Variants in INTS9 observed in about 807,000 individuals in gnomAD.
INTS9 encodes integrator complex subunit 9.
In INTS9, 55 loss-of-function variants were observed where a neutral mutation model predicts 79.7. That is an observed-to-expected ratio of 0.69 (90% confidence interval 0.56 to 0.86). The LOEUF (loss-of-function observed/expected upper bound fraction) is 0.86. INTS9 is among the 40% of genes least tolerant of loss of function. INTS9 has a pLI of 0.00. For synonymous variants in INTS9, 319 were observed against 325.2 expected (o/e 0.98, Z 0.20); for missense variants, 721 against 831.5 (o/e 0.87, Z 1.64).
rs979686739 is a variant in INTS9, at chr8:28,850,227, C to T, written c.184G>A (p.Ala62Thr). ...TTAGATATTACCTTGTCCAAGAAAG[C>T]ATTTCCATCCTTCAGGGACCAGCCA... ...LPGWSLKDGN[A>T]FLDKELKECS... The change falls in exon 3 of 17, where the codon GCT (alanine) becomes ACT (threonine). Residue 62 changes from alanine (A) to threonine (T), a missense_variant. Transcript: ENST00000521022. 14 of 1,613,576 alleles carry T rather than the reference C, an allele frequency of 8.7e-6. No homozygotes were observed. Among genetic ancestry groups the T allele is most frequent in the Non-Finnish European group, 1.2e-5 (14 of 1,179,556 alleles).
intron 1 of INTS9, among the ~76,000 whole-genome samples, chr8:28,873,247 C>G (rs1310128394): frequency 6.6e-6 from 1 of 152,120 alleles, no homozygotes; most frequent in African/African-American, 2.4e-5. Flanking sequence ...ATAGGTTTTA[C>G]TAGGCTGAAT....
chr8:28,863,513 C>T (rs1808564641), intron 1 of INTS9, among the ~76,000 whole-genome samples: 1 of 152,182 alleles, frequency 6.6e-6, no homozygotes, highest in Non-Finnish European at 1.5e-5. Context: ...TGGTAGCTCA[C>T]TCCTGTAATC....
At chr8:28,797,733 C>A (rs1439214138) in intron 8 of INTS9, among the ~76,000 whole-genome samples, 1 of 152,196 alleles carries the variant, frequency 6.6e-6, no homozygotes, top group Non-Finnish European at 1.5e-5. Flanking sequence ...AGGTTTCCAT[C>A]TGAAACACAT....
intron 8 of INTS9, among the ~76,000 whole-genome samples, chr8:28,808,796 C>T (rs1347852055): frequency 6.6e-6 from 1 of 152,212 alleles, no homozygotes; most frequent in African/African-American, 2.4e-5. Context: ...TCCATTCTTA[C>T]TGCCTCAGGC....
At chr8:28,793,559 C>A (rs1271123964) in intron 10 of INTS9, among the ~76,000 whole-genome samples, 1 of 152,092 alleles carries the variant, frequency 6.6e-6, no homozygotes, top group Non-Finnish European at 1.5e-5. Flanking sequence ...ATTTTTGTTA[C>A]CAGTTTTGAA....
intron 4 of INTS9, among the ~76,000 whole-genome samples, chr8:28,843,017 T>G (rs1285984064): frequency 6.6e-6 from 1 of 152,174 alleles, no homozygotes; most frequent in Non-Finnish European, 1.5e-5. Context: ...GGTGAACTCA[T>G]GGGATTATGG....
chr8:28,888,387 A>G (rs1227716093), intron 1 of INTS9, among the ~76,000 whole-genome samples: 7 of 152,248 alleles, frequency 4.6e-5, no homozygotes, highest in East Asian at 3.9e-4. Context: ...CCCCATTTCT[A>G]CAAAAAAAAT....
At chr8:28,806,456 A>T (rs548594854) in intron 8 of INTS9, among the ~76,000 whole-genome samples, 1 of 152,236 alleles carries the variant, frequency 6.6e-6, no homozygotes, top group Non-Finnish European at 1.5e-5. Flanking sequence ...GAAACAGATA[A>T]ATCAACAACT....
intron 11 of INTS9, among the ~76,000 whole-genome samples, chr8:28,782,170 TACTG>T (rs757253438): frequency 2.0e-4 from 31 of 152,382 alleles, no homozygotes; most frequent in Non-Finnish European, 4.3e-4. Flanking sequence ...TTTCTGGTAA[TACTG>T]ACATACTTCC....
chr8:28,840,505 T>C (rs13281121), intron 4 of INTS9, among the ~76,000 whole-genome samples: 82,655 of 99,772 alleles, frequency 0.83, 34,039 homozygotes, highest in East Asian at 0.88. Context: ...ATGTTTATTG[T>C]GGCACTATTC....
At chr8:28,776,668 TC>T (rs1157232735) in intron 13 of INTS9, among the ~76,000 whole-genome samples, 1 of 152,088 alleles carries the variant, frequency 6.6e-6, no homozygotes, top group African/African-American at 2.4e-5. Flanking sequence ...AAGCACTTGT[TC>T]CTTAGGGCTA....
chr8:28,887,877 G>T (rs999412076), intron 1 of INTS9, among the ~76,000 whole-genome samples: 1 of 151,992 alleles, frequency 6.6e-6, no homozygotes, highest in Non-Finnish European at 1.5e-5. Flanking sequence ...TACAATCCCC[G>T]GTTTCATATT....
At chr8:28,776,247 A>G (rs936279116) in intron 13 of INTS9, 4 of 231,936 alleles carry the variant, frequency 1.7e-5, no homozygotes, top group Admixed American at 5.2e-5. Context: ...GTCTTTCTCT[A>G]ACATTCCCAC....
intron 1 of INTS9, among the ~76,000 whole-genome samples, chr8:28,874,338 G>A (rs1371887348): frequency 1.3e-5 from 2 of 149,640 alleles, no homozygotes; most frequent in Non-Finnish European, 3.0e-5. Context: ...CACCCAAGCT[G>A]GAGTGCAGTG....
intron 4 of INTS9, among the ~76,000 whole-genome samples, chr8:28,843,732 CTT>C (rs1296506436): frequency 3.5e-5 from 5 of 143,116 alleles, no homozygotes; most frequent in Admixed American, 1.4e-4. Flanking sequence ...CTTCCTTTTT[CTT>C]TTTTTTTTTT....
chr8:28,877,127 AAAAT>A (rs1225791246), intron 1 of INTS9, among the ~76,000 whole-genome samples: 3 of 152,152 alleles, frequency 2.0e-5, no homozygotes, highest in Non-Finnish European at 4.4e-5. Context: ...TTTATACAAA[AAAAT>A]AAATGTCTGA....
At chr8:28,780,490 A>G (rs1803191009) in intron 12 of INTS9, 3 of 985,440 alleles carry the variant, frequency 3.0e-6, no homozygotes, top group Non-Finnish European at 3.6e-6. Flanking sequence ...CTACCTCTGT[A>G]AACAATTCCT....
chr8:28,841,798 AT>A (rs1807201237), intron 4 of INTS9, among the ~76,000 whole-genome samples: 1 of 152,216 alleles, frequency 6.6e-6, no homozygotes, highest in Admixed American at 6.5e-5. Context: ...TAAGAAAATG[AT>A]AAGGAGCCAG....
chr8:28,828,585 C>T (rs1585425038), intron 6 of INTS9, among the ~76,000 whole-genome samples: 1 of 152,200 alleles, frequency 6.6e-6, no homozygotes, highest in African/African-American at 2.4e-5. Flanking sequence ...ATTTGACCTC[C>T]GAGCACACAC....
Sources: allele counts gnomAD v4.1 joint callset (sites outside exome capture counted in the v4.1 genomes callset), GRCh38; gene constraint gnomAD v4.1.1; transcripts MANE v1.5; gene names NCBI Gene and HGNC (gene_info 2026-07-23, HGNC 2026-07-21).